The following SLC36A1 variants were observed in gnomAD, a reference collection of about 807,000 sequenced individuals.
SLC36A1 encodes proton-coupled amino acid transporter 1.
In SLC36A1, 30 loss-of-function variants were observed where a neutral mutation model predicts 47.5. That is an observed-to-expected ratio of 0.63 (90% CI 0.47 to 0.86). SLC36A1 has a LOEUF of 0.86. Among genes scored for constraint, SLC36A1 ranks in the 40% least tolerant of loss-of-function variants. SLC36A1 has a pLI of 0.00. For synonymous variants in SLC36A1, 255 were observed against 249.7 expected (o/e 1.02, Z -0.20); for missense variants, 517 against 606.0 (o/e 0.85, Z 1.54).
At chr5:151,435,262 T>C (rs530014704), upstream of SLC36A1, among the ~76,000 whole-genome samples, 62 of 152,338 alleles carry the variant, frequency 4.1e-4, no homozygotes, top group African/African-American at 1.5e-3. Context: ...AGCTGTTTTC[T>C]TAACAGCAGT....
At chr5:151,518,987 G>A in the SLC36A1 span, among the ~76,000 whole-genome samples, 22 of 152,148 alleles carry the variant, frequency 1.4e-4, no homozygotes, top group Non-Finnish European at 2.2e-4. Context: ...TGAAGAGAGA[G>A]AACAAAAGCC....
At chr5:151,452,945 T>C (rs187981766) in intron 1 of SLC36A1, among the ~76,000 whole-genome samples, 41 of 150,864 alleles carry the variant, frequency 2.7e-4, no homozygotes, top group South Asian at 6.3e-4. Flanking sequence ...CTCATGCCTG[T>C]AATCCCAGCA....
chr5:151,528,711 G>A, the SLC36A1 span, among the ~76,000 whole-genome samples: 323 of 152,234 alleles, frequency 2.1e-3, 1 homozygote, highest in African/African-American at 7.0e-3. Flanking sequence ...AAGAGTGTGG[G>A]AGTATGGGTG....
In SLC36A1 at chr5:151,488,193, A is replaced by C. The variant is rs756722941; in HGVS notation, c.1370A>C (p.Tyr457Ser). Residue 457 changes from tyrosine to serine, a missense_variant, in exon 11 of 11, where the codon TAT (tyrosine) becomes TCT (serine). By Grantham distance (144) the Tyr-to-Ser change is moderately radical (BLOSUM62 -2). Coordinates refer to ENST00000243389, the MANE Select transcript of SLC36A1 (RefSeq NM_078483.4). ...GTGGTGGGGACCTATGAGGCTCTCTATGAGCTGATCCAGCCAAGCAATGCT... is the reference window on the plus strand; with the variant it reads ...GTGGTGGGGACCTATGAGGCTCTCTCTGAGCTGATCCAGCCAAGCAATGCT... ...GFVVGTYEAL[Y>S]ELIQPSNAPI... is the part of the protein sequence containing the mutation. The C allele has an allele frequency of 3.2e-5, 51 of 1,614,152 alleles. No homozygotes were observed. The highest frequency in any genetic ancestry group is 4.2e-5 in the Non-Finnish European group (49 of 1,180,026).
chr5:151,474,719 G>C (rs537451361), intron 8 of SLC36A1, among the ~76,000 whole-genome samples: 4 of 152,254 alleles, frequency 2.6e-5, no homozygotes, highest in African/African-American at 9.6e-5. Context: ...TTCACCAAAT[G>C]CTTTTCCTAA....
At chr5:151,384,821 C>T in the SLC36A1 span, among the ~76,000 whole-genome samples, 2 of 152,256 alleles carry the variant, frequency 1.3e-5, no homozygotes, top group East Asian at 3.9e-4. Context: ...ACAGTATAAG[C>T]CATTCCACGC....
In SLC36A1 at chr5:151,452,868, T is replaced by C. The variant is rs866920297; in HGVS notation, c.-6+5055T>C. ...CTGGGCAACAGAGGGAGACACCATC[T>C]CAAAAAAAAAAAAAGAAGACAAAAA... On this transcript the variant is annotated intron_variant, in intron 1 of 10. Coordinates refer to ENST00000243389, the MANE Select transcript of SLC36A1 (RefSeq NM_078483.4). Among the ~76,000 whole-genome samples the C allele has an allele frequency of 2.7e-3, 294 of 108,280 alleles. 2 individuals are homozygous for C. The highest frequency in any genetic ancestry group is 0.011 in the African/African-American group (273 of 24,914). 71.0% of individuals were successfully genotyped at this position (108,280 alleles called of 152,430 possible). A position where few individuals can be genotyped will look rare whatever the true frequency, so the allele number is the denominator to read the frequency against.
the SLC36A1 span, chr5:151,540,554 G>A: frequency 1.5e-4 from 233 of 1,593,888 alleles, 2 homozygotes; most frequent in East Asian, 4.0e-4. Context: ...TCCACCCCTC[G>A]CCAGGCTCTC....
chr5:151,526,007 T>C, the SLC36A1 span: 1 of 1,588,104 alleles, frequency 6.3e-7, no homozygotes, highest in Non-Finnish European at 8.6e-7. Flanking sequence ...GCAGAATGAG[T>C]CCCGGTCCTT....
the SLC36A1 span, among the ~76,000 whole-genome samples, chr5:151,401,407 A>T: frequency 6.6e-6 from 1 of 152,082 alleles, no homozygotes; most frequent in South Asian, 2.1e-4. Context: ...TACCAATACC[A>T]TGCTGTTTTT....
At chr5:151,378,472 A>G in the SLC36A1 span, 50 of 211,814 alleles carry the variant, frequency 2.4e-4, no homozygotes, top group East Asian at 3.7e-3. Flanking sequence ...CAGCGATTAA[A>G]GCTGTTCAAA....
chr5:151,403,609 C>T, the SLC36A1 span, among the ~76,000 whole-genome samples: 4 of 152,140 alleles, frequency 2.6e-5, no homozygotes, highest in Admixed American at 1.3e-4. Flanking sequence ...CCAATAAAAC[C>T]TTTCTTCTTA....
chr5:151,476,980 G>T (rs1393785605), intron 9 of SLC36A1: 1 of 672,022 alleles, frequency 1.5e-6, no homozygotes. Context: ...TCAGCCGATG[G>T]GTAAGCCATT....
the SLC36A1 span, among the ~76,000 whole-genome samples, chr5:151,431,975 C>T: frequency 1.3e-5 from 2 of 152,162 alleles, no homozygotes; most frequent in South Asian, 2.1e-4. Context: ...GGCACAGACT[C>T]GGCAGCTTAG....
At chr5:151,535,473 T>C in the SLC36A1 span, among the ~76,000 whole-genome samples, 1 of 152,128 alleles carries the variant, frequency 6.6e-6, no homozygotes, top group Admixed American at 6.5e-5. Context: ...AGCTTCCATA[T>C]AGCTGAACAC....
At chr5:151,390,144 A>G in the SLC36A1 span, among the ~76,000 whole-genome samples, 1 of 152,072 alleles carries the variant, frequency 6.6e-6, no homozygotes, top group Non-Finnish European at 1.5e-5. Context: ...TTTGATTTGC[A>G]TTTCTCTGAT....
chr5:151,537,298 G>A, the SLC36A1 span, among the ~76,000 whole-genome samples: 2 of 140,826 alleles, frequency 1.4e-5, no homozygotes, highest in South Asian at 2.6e-4. Context: ...GAGGAGGAGG[G>A]AGAGAGGGAA....
the SLC36A1 span, among the ~76,000 whole-genome samples, chr5:151,399,079 TA>T: frequency 2.7e-4 from 23 of 86,390 alleles, no homozygotes; most frequent in South Asian, 7.1e-4. Flanking sequence ...TATATATATA[TA>T]TATATTTTTT....
chr5:151,413,074 G>A, the SLC36A1 span, among the ~76,000 whole-genome samples: 1 of 147,126 alleles, frequency 6.8e-6, no homozygotes, highest in Non-Finnish European at 1.5e-5. Flanking sequence ...AGTGTCTGAG[G>A]GCAGGAACTT....
Sources: gnomAD v4.1 joint callset for allele counts (sites outside exome capture counted in the v4.1 genomes callset) on GRCh38, gnomAD v4.1.1 for gene constraint, MANE v1.5 for transcripts, NCBI Gene and HGNC (gene_info 2026-07-23, HGNC 2026-07-21) for gene names.